OPRD1: variants seen among roughly 807,000 people sequenced by gnomAD.
The protein encoded by OPRD1 is delta-type opioid receptor.
OPRD1 carries 19 observed loss-of-function variants against 17.5 expected under a neutral mutation model. The observed-to-expected ratio is 1.09, with a 90% CI of 0.76 to 1.60. OPRD1 has a LOEUF of 1.60. Among genes scored for constraint, OPRD1 ranks in the 40% most tolerant of loss-of-function variants. OPRD1 has a pLI of 0.00. For synonymous variants in OPRD1, 256 were observed against 240.9 expected (o/e 1.06, Z -0.58); for missense variants, 483 against 547.2 (o/e 0.88, Z 1.17).
chr1:28,845,363 C>T (rs1281541161), intron 1 of OPRD1, among the ~76,000 whole-genome samples: 1 of 151,580 alleles, frequency 6.6e-6, no homozygotes, highest in Admixed American at 6.6e-5. Context: ...CTGGTGGGAG[C>T]CTATAATCCC....
At chr1:28,842,236 C>G (rs975326176) in intron 1 of OPRD1, among the ~76,000 whole-genome samples, 1 of 152,034 alleles carries the variant, frequency 6.6e-6, no homozygotes, top group African/African-American at 2.4e-5. Flanking sequence ...CGCCATATTG[C>G]CCCAGCTGGT....
chr1:28,865,720 G>A lies in OPRD1; in HGVS notation c.*2437G>A, dbSNP rs2089170391. On this transcript the variant is annotated 3_prime_UTR_variant, in exon 3 of 3. Coordinates refer to ENST00000234961, the MANE Select transcript of OPRD1 (RefSeq NM_000911.4). The stretch of plus-strand genomic sequence containing the variant: ...ACTCTCACTACCTTGTGACCACAGA[G>A]ACCCCTGTGTCTGAGGGTGGGAGGT... 1 of 152,242 alleles carries A rather than the reference G, an allele frequency of 6.6e-6. No individual in the cohort carries two copies. Among genetic ancestry groups the A allele is most frequent in the South Asian group, 2.1e-4 (1 of 4,820 alleles). The allele number at this position is 152,242 out of a possible 1,614,324, so 9.4% of individuals were successfully genotyped here. A position where few individuals can be genotyped will look rare whatever the true frequency, so the allele number is the denominator to read the frequency against.
At chr1:28,815,353 G>A (rs1212612506) in intron 1 of OPRD1, among the ~76,000 whole-genome samples, 2 of 152,126 alleles carry the variant, frequency 1.3e-5, no homozygotes, top group East Asian at 1.9e-4. Flanking sequence ...CAGTCCACCC[G>A]CCTCGGCCTC....
At chr1:28,839,857 T>C (rs2088880962) in intron 1 of OPRD1, among the ~76,000 whole-genome samples, 1 of 151,796 alleles carries the variant, frequency 6.6e-6, no homozygotes, top group Non-Finnish European at 1.5e-5. Context: ...TGGCCCAGGG[T>C]GAGCATGGGA....
intron 1 of OPRD1, among the ~76,000 whole-genome samples, chr1:28,814,509 T>C (rs564722969): frequency 7.2e-5 from 11 of 152,308 alleles, no homozygotes; most frequent in South Asian, 2.1e-4. Context: ...TTCTGAGAGC[T>C]CCGGATTCCT....
intron 1 of OPRD1, among the ~76,000 whole-genome samples, chr1:28,813,397 C>T (rs1368280134): frequency 2.6e-5 from 4 of 152,212 alleles, no homozygotes; most frequent in Non-Finnish European, 5.9e-5. Flanking sequence ...GACTCACGCC[C>T]TCCTCACAAA....
chr1:28,837,165 T>C (rs1256291206), intron 1 of OPRD1, among the ~76,000 whole-genome samples: 1 of 152,184 alleles, frequency 6.6e-6, no homozygotes, highest in Non-Finnish European at 1.5e-5. Flanking sequence ...GCTTGCAACC[T>C]AGATCCCTTG....
intron 1 of OPRD1, among the ~76,000 whole-genome samples, chr1:28,858,512 T>C (rs972214074): frequency 2.0e-5 from 3 of 151,044 alleles, no homozygotes; most frequent in Middle Eastern, 3.2e-3. Flanking sequence ...AATCAGATAG[T>C]GCAGGGTTCT....
At chr1:28,856,454 G>A (rs970542445) in intron 1 of OPRD1, among the ~76,000 whole-genome samples, 17 of 152,164 alleles carry the variant, frequency 1.1e-4, no homozygotes, top group Non-Finnish European at 2.2e-4. Context: ...CTCAGGCCAC[G>A]CTTTAATAAA....
chr1:28,838,395 A>T (rs561293633), intron 1 of OPRD1, among the ~76,000 whole-genome samples: 7 of 152,182 alleles, frequency 4.6e-5, no homozygotes, highest in Non-Finnish European at 7.3e-5. Flanking sequence ...AGTCAGCAGA[A>T]CAGATTTTCT....
rs192235499 is a variant in OPRD1 at position 28,820,255 on chromosome 1, C to T, written c.227+7645C>T. 1.3e-3 allele frequency among the ~76,000 whole-genome samples: 196 copies of T among 145,910 alleles called. 1 individual carries two copies. The highest frequency in any genetic ancestry group is 4.8e-3 in the African/African-American group (187 of 38,802). On this transcript the variant is annotated intron_variant, in intron 1 of 2. Coordinates refer to ENST00000234961, the MANE Select transcript of OPRD1 (RefSeq NM_000911.4). ...TGTTGCCCAGGCTGGAGTGCAGTGA[C>T]GCAATCTTGGCTCACTGCAACCTCT... is the stretch of plus-strand genomic sequence containing the variant.
intron 1 of OPRD1, among the ~76,000 whole-genome samples, chr1:28,815,957 TG>T: frequency 6.6e-6 from 1 of 152,242 alleles, no homozygotes; most frequent in Non-Finnish European, 1.5e-5. Flanking sequence ...CTCGGGCTAG[TG>T]ACGAGCTGTC....
At chr1:28,821,940 A>AT (rs1322663649) in intron 1 of OPRD1, among the ~76,000 whole-genome samples, 1 of 147,552 alleles carries the variant, frequency 6.8e-6, no homozygotes, top group Non-Finnish European at 1.5e-5. Context: ...GTTTGCGCAC[A>AT]TCTCATTATT....
chr1:28,832,601 A>G (rs2088817142), intron 1 of OPRD1, among the ~76,000 whole-genome samples: 1 of 145,244 alleles, frequency 6.9e-6, no homozygotes, highest in African/African-American at 2.5e-5. Context: ...TGGGTGGTAG[A>G]GTGAGACTCT....
chr1:28,834,612 T>C lies in OPRD1; in HGVS notation c.227+22002T>C, dbSNP rs1450865093. Among the ~76,000 whole-genome samples, 4 of 151,972 alleles carry C rather than the reference T, an allele frequency of 2.6e-5. No homozygotes were observed. The East Asian group carries it at 7.7e-4, about 29-fold the overall frequency. ...CCAGGCTGGTCTCGAACTCTTGAGC[T>C]CAAGTGATCCTCCCACCTCGGACTC... On this transcript the variant is annotated intron_variant, in intron 1 of 2. Coordinates refer to ENST00000234961, the MANE Select transcript of OPRD1 (RefSeq NM_000911.4).
rs949840089 is a variant in OPRD1 at position 28,867,705 on chromosome 1, C to T, written c.*4422C>T. ...GCCTGGAATCAGATCTTGGTTTTCC[C>T]TCTCTGAGCCTCAGTTTCCTCATCT... On this transcript the variant is annotated 3_prime_UTR_variant, in exon 3 of 3. Transcript: ENST00000234961. 14 of 152,944 alleles carry T rather than the reference C, an allele frequency of 9.2e-5. No homozygotes were observed. Among genetic ancestry groups the T allele is most frequent in the Admixed American group, 8.5e-4 (13 of 15,276 alleles). The allele number at this position is 152,944 out of a possible 1,614,324, so 9.5% of individuals were successfully genotyped here.
At chr1:28,833,682 C>T (rs931172944) in intron 1 of OPRD1, among the ~76,000 whole-genome samples, 1 of 152,178 alleles carries the variant, frequency 6.6e-6, no homozygotes, top group African/African-American at 2.4e-5. Context: ...GTCGACACAT[C>T]AGACTAACCA....
chr1:28,850,131 C>G (rs374919332), intron 1 of OPRD1, among the ~76,000 whole-genome samples: 1 of 152,068 alleles, frequency 6.6e-6, no homozygotes, highest in Non-Finnish European at 1.5e-5. Flanking sequence ...CTGCCCACCT[C>G]GGCCTCCCAA....
intron 1 of OPRD1, among the ~76,000 whole-genome samples, chr1:28,852,538 T>G (rs1205356994): frequency 1.3e-5 from 2 of 152,102 alleles, no homozygotes; most frequent in East Asian, 3.9e-4. Context: ...GACATGGTGG[T>G]GAGCACCTGT....
Sources: gnomAD v4.1 joint callset for allele counts (sites outside exome capture counted in the v4.1 genomes callset) on GRCh38, gnomAD v4.1.1 for gene constraint, MANE v1.5 for transcripts, NCBI Gene and HGNC (gene_info 2026-07-23, HGNC 2026-07-21) for gene names.